The following MEI4 variants were observed in gnomAD, a reference collection of about 807,000 sequenced individuals.
MEI4 encodes meiosis-specific protein MEI4.
In MEI4, 27 loss-of-function variants were observed where a neutral mutation model predicts 31.4. The ratio of observed to expected loss-of-function variants is 0.86; its 90% CI spans 0.63 to 1.19. The LOEUF (loss-of-function observed/expected upper bound fraction) is 1.19. Among genes scored for constraint, MEI4 ranks in the 50% most tolerant of loss-of-function variants. The pLI, the probability that MEI4 is intolerant of heterozygous loss-of-function variation, is 0.00. For synonymous variants in MEI4, 122 were observed against 145.4 expected, an observed-to-expected ratio of 0.84 and a Z score of 1.16; for missense variants, 329 against 398.9, an observed-to-expected ratio of 0.82 and a Z score of 1.49.
intron 3 of MEI4, among the ~76,000 whole-genome samples, chr6:77,799,861 C>A (rs191152951): frequency 1.6e-4 from 25 of 151,990 alleles, no homozygotes; most frequent in Admixed American, 9.8e-4. Context: ...TATATCTCTG[C>A]TTTGGTACTG....
At chr6:77,748,953 G>A (rs1191176296) in intron 2 of MEI4, among the ~76,000 whole-genome samples, 1 of 152,162 alleles carries the variant, frequency 6.6e-6, no homozygotes, top group East Asian at 1.9e-4. Flanking sequence ...CTGTTCTCCA[G>A]CCTCTGCCGG....
intron 3 of MEI4, among the ~76,000 whole-genome samples, chr6:77,819,381 T>C (rs1377462759): frequency 2.0e-5 from 3 of 152,176 alleles, no homozygotes; most frequent in African/African-American, 7.2e-5. Context: ...AACATTTTTA[T>C]AGAGATAATA....
At chr6:77,745,649 C>A (rs1426785792) in intron 2 of MEI4, among the ~76,000 whole-genome samples, 1 of 152,152 alleles carries the variant, frequency 6.6e-6, no homozygotes, top group Admixed American at 6.5e-5. Flanking sequence ...CTCTCCACCC[C>A]AAATCAACAG....
At chr6:77,761,019 A>G (rs563961077) in intron 2 of MEI4, 111 bp from the exon 3 acceptor site, 1 of 690,486 alleles carries the variant, frequency 1.4e-6, no homozygotes, top group South Asian at 7.9e-5. Context: ...TAAATGCTTA[A>G]TGTGTATTTA....
chr6:77,784,251 A>G (rs1768672111), intron 3 of MEI4, among the ~76,000 whole-genome samples: 2 of 152,196 alleles, frequency 1.3e-5, no homozygotes, highest in Admixed American at 1.3e-4. Flanking sequence ...CTGAAAGAAC[A>G]AAATATCTTT....
intron 2 of MEI4, among the ~76,000 whole-genome samples, chr6:77,742,508 T>C (rs548863016): frequency 3.3e-5 from 5 of 152,332 alleles, no homozygotes; most frequent in Admixed American, 3.3e-4. Context: ...TCATTGTAGA[T>C]TCTGGATATT....
At position 77,923,583 on chromosome 6, in the gene MEI4, G is replaced by GTATC. The variant is rs1562041608; in HGVS notation, c.*239_*242dup. 1.1e-5 allele frequency: 3 copies of GTATC among 284,436 alleles called. No homozygotes were observed. Among genetic ancestry groups the GTATC allele is most frequent in the South Asian group, 1.7e-4 (1 of 6,058 alleles). The allele number at this position is 284,436 out of a possible 1,614,324, so 17.6% of individuals were successfully genotyped here. A position where few individuals can be genotyped will look rare whatever the true frequency, so the allele number is the denominator to read the frequency against. On this transcript the variant is annotated 3_prime_UTR_variant, in exon 5 of 5. Coordinates refer to ENST00000684080, the MANE Select transcript of MEI4 (RefSeq NM_001322247.2). ...ATGCCATCCTTATTCCCATGTAACT[G>GTATC]TATCTTATTTCACTCAATATAGTTT...
At chr6:77,780,205 C>A (rs576722511) in intron 3 of MEI4, among the ~76,000 whole-genome samples, 1 of 152,066 alleles carries the variant, frequency 6.6e-6, no homozygotes, top group South Asian at 2.1e-4. Context: ...TGGCTGAAGG[C>A]GGCCTAATCC....
chr6:77,835,375 C>CAAA (rs1368990858), intron 4 of MEI4, among the ~76,000 whole-genome samples: 1 of 36,756 alleles, frequency 2.7e-5, no homozygotes, highest in Admixed American at 3.2e-4. Flanking sequence ...CAAAACAAAA[C>CAAA]ACACACACAC....
chr6:77,812,567 C>G (rs1582174496), intron 3 of MEI4, among the ~76,000 whole-genome samples: 1 of 152,002 alleles, frequency 6.6e-6, no homozygotes, highest in South Asian at 2.1e-4. Flanking sequence ...GGAAATTACC[C>G]CATATGAAGT....
intron 3 of MEI4, among the ~76,000 whole-genome samples, chr6:77,765,824 T>TGGCA (rs1223323685): frequency 6.6e-6 from 1 of 152,154 alleles, no homozygotes; most frequent in African/African-American, 2.4e-5. Context: ...TAAGAAAATG[T>TGGCA]GGCACATATA....
intron 2 of MEI4, among the ~76,000 whole-genome samples, chr6:77,696,273 T>A (rs1766039676): frequency 6.6e-6 from 1 of 152,198 alleles, no homozygotes; most frequent in African/African-American, 2.4e-5. Context: ...TCCTGCCTGA[T>A]TGTCCTGGAC....
At chr6:77,863,885 G>A (rs1043319634) in intron 4 of MEI4, among the ~76,000 whole-genome samples, 2 of 152,182 alleles carry the variant, frequency 1.3e-5, no homozygotes, top group South Asian at 2.1e-4. Flanking sequence ...TGATCTCTTG[G>A]CAGAAACTCT....
chr6:77,833,435 G>A (rs1770131482), intron 4 of MEI4, among the ~76,000 whole-genome samples: 1 of 152,072 alleles, frequency 6.6e-6, no homozygotes, highest in African/African-American at 2.4e-5. Context: ...TATCTAGATA[G>A]TATGTGATTT....
intron 2 of MEI4, among the ~76,000 whole-genome samples, chr6:77,757,520 T>A (rs748101616): frequency 1.5e-4 from 23 of 152,220 alleles, no homozygotes; most frequent in African/African-American, 5.1e-4. Flanking sequence ...TTGTCATGCC[T>A]GAAGGGGATG....
intron 1 of MEI4, among the ~76,000 whole-genome samples, chr6:77,680,606 T>C (rs1390647687): frequency 6.6e-6 from 1 of 152,232 alleles, no homozygotes; most frequent in East Asian, 1.9e-4. Context: ...AAGGGCATCA[T>C]ATGCCAGAAG....
At chr6:77,785,484 G>A (rs999238900) in intron 3 of MEI4, among the ~76,000 whole-genome samples, 1 of 152,100 alleles carries the variant, frequency 6.6e-6, no homozygotes, top group African/African-American at 2.4e-5. Flanking sequence ...TTGAGTGAAG[G>A]CAATGGTAGG....
intron 1 of MEI4, among the ~76,000 whole-genome samples, chr6:77,688,547 T>G (rs1377667458): frequency 6.6e-6 from 1 of 152,092 alleles, no homozygotes; most frequent in East Asian, 1.9e-4. Context: ...ATCAGAACAT[T>G]TAGTTAATCA....
At chr6:77,813,092 C>T (rs183855785) in intron 3 of MEI4, among the ~76,000 whole-genome samples, 27 of 152,188 alleles carry the variant, frequency 1.8e-4, no homozygotes, top group Middle Eastern at 3.4e-3. Flanking sequence ...ATCTTATCTT[C>T]CATGAGTAAA....
Sources: allele counts gnomAD v4.1 joint callset (sites outside exome capture counted in the v4.1 genomes callset), GRCh38; gene constraint gnomAD v4.1.1; transcripts MANE v1.5; gene names NCBI Gene and HGNC (gene_info 2026-07-23, HGNC 2026-07-21).